DLGAP1: variants seen among roughly 807,000 people sequenced by gnomAD.
DLGAP1 encodes disks large-associated protein 1.
DLGAP1 carries 11 observed loss-of-function variants against 90.8 expected under a neutral mutation model. That is an observed-to-expected ratio of 0.12 (90% CI 0.08 to 0.20). The LOEUF is 0.20. Ranked by LOEUF, DLGAP1 falls within the 10% of genes least tolerant of loss-of-function variation. The pLI is 1.00. For synonymous variants in DLGAP1, 558 were observed against 540.7 expected, an observed-to-expected ratio of 1.03 and a Z score of -0.44; for missense variants, 1,050 against 1,333.8, an observed-to-expected ratio of 0.79 and a Z score of 3.31.
chr18:3,842,248 C>T (rs1211309994), intron 4 of DLGAP1, among the ~76,000 whole-genome samples: 1 of 151,984 alleles, frequency 6.6e-6, no homozygotes, highest in East Asian at 1.9e-4. Context: ...GGCTGAAATG[C>T]AGAGTGGACA....
rs528021761 is a variant in DLGAP1 at position 4,226,792 on chromosome 18, A to T, written c.-266-75505T>A. On this transcript the variant is annotated intron_variant, in intron 1 of 12. Transcript: ENST00000315677. ...AAAGGAAGCCAGGAAGGAAGAAAAG[A>T]AGGAAAAGAAGACCACAAAACAACC... 1.2e-3 allele frequency among the ~76,000 whole-genome samples: 175 copies of T among 151,946 alleles called. 1 individual carries two copies. The highest frequency in any genetic ancestry group is 1.7e-3 in the Admixed American group (26 of 15,262).
intron 7 of DLGAP1, among the ~76,000 whole-genome samples, chr18:3,691,289 G>T (rs944571819): frequency 6.6e-6 from 1 of 152,070 alleles, no homozygotes; most frequent in African/African-American, 2.4e-5. Flanking sequence ...TCTCCACTGC[G>T]TGATGGTGAA....
At chr18:4,379,665 C>A (rs1480021432) in intron 1 of DLGAP1, among the ~76,000 whole-genome samples, 1 of 152,244 alleles carries the variant, frequency 6.6e-6, no homozygotes, top group East Asian at 1.9e-4. Context: ...TAGACTGAAA[C>A]CCTCCTTAGG....
At chr18:3,933,066 A>G (rs1474412788) in intron 3 of DLGAP1, among the ~76,000 whole-genome samples, 1 of 152,160 alleles carries the variant, frequency 6.6e-6, no homozygotes, top group African/African-American at 2.4e-5. Context: ...TGACCTTGGG[A>G]GTTGCAGTTG....
At chr18:4,170,608 A>C (rs2077007027) in intron 1 of DLGAP1, among the ~76,000 whole-genome samples, 1 of 152,180 alleles carries the variant, frequency 6.6e-6, no homozygotes, top group Non-Finnish European at 1.5e-5. Flanking sequence ...GAATGACCCC[A>C]GGACATCTGA....
At chr18:4,425,539 G>A (rs1201101769) in intron 1 of DLGAP1, among the ~76,000 whole-genome samples, 3 of 152,198 alleles carry the variant, frequency 2.0e-5, no homozygotes, top group Non-Finnish European at 2.9e-5. Context: ...AGTTTAGTCA[G>A]TTCCCCGGAC....
intron 1 of DLGAP1, among the ~76,000 whole-genome samples, chr18:4,397,086 C>T (rs973786169): frequency 1.3e-5 from 2 of 152,172 alleles, no homozygotes; most frequent in Non-Finnish European, 2.9e-5. Context: ...AACTCTGAGG[C>T]TCCATGCCTT....
At chr18:4,297,748 C>T (rs2080018181) in intron 1 of DLGAP1, among the ~76,000 whole-genome samples, 2 of 150,468 alleles carry the variant, frequency 1.3e-5, no homozygotes, top group African/African-American at 5.0e-5. Context: ...TTAATTTCTC[C>T]TCTCTCTCTC....
At chr18:4,427,651 C>T (rs760831249) in intron 1 of DLGAP1, among the ~76,000 whole-genome samples, 1 of 152,116 alleles carries the variant, frequency 6.6e-6, no homozygotes, top group African/African-American at 2.4e-5. Context: ...AGGCAGTGCC[C>T]GGGCCTGGTC....
At chr18:4,236,170 G>T (rs2078410659) in intron 1 of DLGAP1, among the ~76,000 whole-genome samples, 1 of 152,072 alleles carries the variant, frequency 6.6e-6, no homozygotes, top group Non-Finnish European at 1.5e-5. Flanking sequence ...GTAAAATGAG[G>T]ATAAAATAAT....
At position 3,600,817 on chromosome 18, in the gene DLGAP1, T is replaced by G. The variant is rs866288148; in HGVS notation, c.1592-18569A>C. On this transcript the variant is annotated intron_variant, in intron 7 of 12. Transcript: ENST00000315677. The stretch of plus-strand genomic sequence containing the variant: ...AGATATATAGATATATAGATATATA[T>G]AGATATATAGATATATATAGATATA... Among the ~76,000 whole-genome samples the G allele has an allele frequency of 2.4e-4, 30 of 123,674 alleles. 2 individuals are homozygous for G. Among genetic ancestry groups the G allele is most frequent in the African/African-American group, 6.0e-4 (17 of 28,296 alleles). The allele number at this position is 123,674 out of a possible 152,430, so 81.1% of individuals were successfully genotyped here.
intron 10 of DLGAP1, among the ~76,000 whole-genome samples, chr18:3,527,143 C>T (rs668915): frequency 0.72 from 109,713 of 151,538 alleles, 39,832 homozygotes; most frequent in South Asian, 0.84. Context: ...CTGGCTACTC[C>T]AAATGCTTGT....
chr18:3,804,786 A>G (rs958653651), intron 5 of DLGAP1, among the ~76,000 whole-genome samples: 7 of 152,238 alleles, frequency 4.6e-5, no homozygotes, highest in Admixed American at 1.3e-4. Context: ...CCCCTCTGGG[A>G]TGACGACTCT....
intron 1 of DLGAP1, among the ~76,000 whole-genome samples, chr18:4,270,601 TGAAAATAAAGAACACTTACAA>T (rs1280209419): frequency 3.3e-5 from 5 of 152,186 alleles, no homozygotes; most frequent in Admixed American, 6.5e-5. Flanking sequence ...GAGGCTTTAT[TGAAAATAAAGAACACTTACAA>T]GAAAATAAAG....
At chr18:4,183,052 A>G (rs2077234366) in intron 1 of DLGAP1, among the ~76,000 whole-genome samples, 1 of 152,220 alleles carries the variant, frequency 6.6e-6, no homozygotes, top group Non-Finnish European at 1.5e-5. Flanking sequence ...TGATGGTTAC[A>G]GAAACATGAG....
chr18:4,297,421 CTT>C (rs1252368816), intron 1 of DLGAP1, among the ~76,000 whole-genome samples: 2 of 152,104 alleles, frequency 1.3e-5, no homozygotes, highest in Non-Finnish European at 2.9e-5. Flanking sequence ...ATGCCTAAAA[CTT>C]ATTCATGAAG....
intron 9 of DLGAP1, among the ~76,000 whole-genome samples, chr18:3,537,326 A>T (rs1448321736): frequency 6.6e-6 from 1 of 152,086 alleles, no homozygotes; most frequent in Non-Finnish European, 1.5e-5. Flanking sequence ...TGACTACTCT[A>T]GGTACCTCTT....
At chr18:3,803,687 T>C (rs1038515491) in intron 5 of DLGAP1, among the ~76,000 whole-genome samples, 4 of 151,380 alleles carry the variant, frequency 2.6e-5, no homozygotes, top group African/African-American at 9.7e-5. Flanking sequence ...AGGAAAGAAG[T>C]TGGAGAGAAA....
intron 5 of DLGAP1, among the ~76,000 whole-genome samples, chr18:3,799,633 T>G (rs1313050796): frequency 6.6e-6 from 1 of 151,984 alleles, no homozygotes; most frequent in African/African-American, 2.4e-5. Flanking sequence ...CCAAGCTGTC[T>G]CCCCGCAATA....
Sources: allele counts gnomAD v4.1 joint callset (sites outside exome capture counted in the v4.1 genomes callset), GRCh38; gene constraint gnomAD v4.1.1; transcripts MANE v1.5; gene names NCBI Gene and HGNC (gene_info 2026-07-23, HGNC 2026-07-21).